Variants in SLC5A12 observed in about 807,000 individuals in gnomAD.
SLC5A12 encodes the protein sodium-coupled monocarboxylate transporter 2.
A neutral mutation model predicts 72.7 loss-of-function variants in SLC5A12; 46 were observed. The observed-to-expected ratio is 0.63, with a 90% CI of 0.50 to 0.81. The LOEUF is 0.81. Among genes scored for constraint, SLC5A12 ranks in the 30% least tolerant of loss-of-function variants. The pLI is 0.00. For missense variants in SLC5A12, 683 were observed against 740.7 expected (o/e 0.92, Z 0.90); for synonymous variants, 275 against 264.4 (o/e 1.04, Z -0.39).
At chr11:26,677,254 GA>G (rs1318420578) in intron 13 of SLC5A12, among the ~76,000 whole-genome samples, 1 of 152,052 alleles carries the variant, frequency 6.6e-6, no homozygotes, top group Non-Finnish European at 1.5e-5. Context: ...CTTATTTGGA[GA>G]AAAAGAAAAC....
At chr11:26,703,070 A>G (rs1854997435) in intron 6 of SLC5A12, among the ~76,000 whole-genome samples, 3 of 152,170 alleles carry the variant, frequency 2.0e-5, no homozygotes, top group Non-Finnish European at 2.9e-5. Flanking sequence ...TCTATTTGGT[A>G]ACTGCCTAAT....
At chr11:26,676,199 C>A (rs1323557914) in intron 13 of SLC5A12, among the ~76,000 whole-genome samples, 2 of 152,044 alleles carry the variant, frequency 1.3e-5, no homozygotes. Flanking sequence ...GATTAATTAT[C>A]TAATACAAAG....
intron 14 of SLC5A12, among the ~76,000 whole-genome samples, chr11:26,672,488 AC>A (rs1239216403): frequency 2.6e-5 from 4 of 152,042 alleles, no homozygotes; most frequent in Non-Finnish European, 5.9e-5. Flanking sequence ...TGCTGTAACA[AC>A]CCTTTGAGTG....
In SLC5A12 at chr11:26,670,975, C is replaced by G. The variant is rs1032113097; in HGVS notation, c.*127G>C. 2 of 770,372 alleles carry G rather than the reference C, an allele frequency of 2.6e-6. No individual in the cohort carries two copies. Among genetic ancestry groups the G allele is most frequent in the East Asian group, 6.1e-5 (2 of 33,052 alleles). The allele number at this position is 770,372 out of a possible 1,614,324, so 47.7% of individuals were successfully genotyped here. A position where few individuals can be genotyped will look rare whatever the true frequency, so the allele number is the denominator to read the frequency against. ...AGTTATAAATAAGTAGAAATAGGCACCAGACATCCCTGTCTTCTAGCAATG... is the reference window on the plus strand; with the variant it reads ...AGTTATAAATAAGTAGAAATAGGCAGCAGACATCCCTGTCTTCTAGCAATG... On this transcript the variant is annotated 3_prime_UTR_variant, in exon 15 of 15. Coordinates refer to ENST00000396005, the MANE Select transcript of SLC5A12 (RefSeq NM_178498.4).
At chr11:26,677,093 G>C (rs980880141) in intron 13 of SLC5A12, among the ~76,000 whole-genome samples, 2 of 151,654 alleles carry the variant, frequency 1.3e-5, no homozygotes, top group South Asian at 2.1e-4. Flanking sequence ...AGGTTATCAG[G>C]CTAGCCCTAA....
At chr11:26,706,388 G>T (rs1389012695) in intron 4 of SLC5A12, among the ~76,000 whole-genome samples, 1 of 152,006 alleles carries the variant, frequency 6.6e-6, no homozygotes, top group South Asian at 2.1e-4. Flanking sequence ...TCTGACAGAG[G>T]TATGCAGGGT....
Position 26,709,384 on chromosome 11 carries a change from G to A in SLC5A12, c.458-5C>T. The A allele has an allele frequency of 6.2e-7, 1 of 1,602,308 alleles. No homozygotes were observed. Among genetic ancestry groups the A allele is most frequent in the Non-Finnish European group, 8.5e-7 (1 of 1,174,434 alleles). On this transcript the variant is annotated splice_region_variant and splice_polypyrimidine_tract_variant and intron_variant, in intron 3 of 14. Transcript: ENST00000396005. ...CCCAGAGATCAAACCCAGTCACTAG[G>A]AAAGAAGAAAAAAATATTAAAAGAA... is the stretch of plus-strand genomic sequence containing the variant.
Position 26,698,446 on chromosome 11 carries a change from C to T in SLC5A12, c.911G>A (p.Cys304Tyr). Residue 304 changes from cysteine to tyrosine, a missense_variant, in exon 7 of 15, where the codon TGT (cysteine) becomes TAT (tyrosine). Cys to Tyr is a radical substitution (Grantham distance 194). Coordinates refer to ENST00000396005, the MANE Select transcript of SLC5A12 (RefSeq NM_178498.4). ...GLIMYSHFKD[C>Y]DPWTSGIISA... Reference sequence around the variant, plus strand: ...GATGATGCCAGAAGTCCAAGGGTCACAGTCTTTAAAGTGAGAGTACATGAT... The same window carrying T: ...GATGATGCCAGAAGTCCAAGGGTCATAGTCTTTAAAGTGAGAGTACATGAT... 1 of 1,613,998 alleles carries T rather than the reference C, an allele frequency of 6.2e-7. No homozygotes were observed. Among genetic ancestry groups the T allele is most frequent in the Non-Finnish European group, 8.5e-7 (1 of 1,179,970 alleles).
chr11:26,672,821 T>G (rs1273303267), intron 14 of SLC5A12, among the ~76,000 whole-genome samples: 1 of 152,018 alleles, frequency 6.6e-6, no homozygotes. Context: ...AGCTAGGGAG[T>G]TAGAGAGTTA....
chr11:26,683,628 G>T, intron 11 of SLC5A12, 129 bp downstream of exon 11: 1 of 681,972 alleles, frequency 1.5e-6, no homozygotes, highest in Non-Finnish European at 2.5e-6. Context: ...CTCAAGCTCT[G>T]TTTAATTCTG....
chr11:26,680,293 GTA>G (rs1234365246), intron 12 of SLC5A12, among the ~76,000 whole-genome samples: 1,855 of 109,020 alleles, frequency 0.017, 254 homozygotes, highest in Non-Finnish European at 0.027. Flanking sequence ...TTATATATAT[GTA>G]TATATATTCA....
At chr11:26,681,913 G>GA (rs1044659669) in intron 11 of SLC5A12, among the ~76,000 whole-genome samples, 1 of 151,808 alleles carries the variant, frequency 6.6e-6, no homozygotes, top group African/African-American at 2.4e-5. Flanking sequence ...TAGTTAATCA[G>GA]AAAAAAATAG....
At chr11:26,682,634 C>T (rs138549048) in intron 11 of SLC5A12, among the ~76,000 whole-genome samples, 1 of 152,170 alleles carries the variant, frequency 6.6e-6, no homozygotes, top group East Asian at 1.9e-4. Context: ...AATGGCTGCC[C>T]AAAATGACAA....
At chr11:26,706,377 A>C (rs1015546575) in intron 4 of SLC5A12, among the ~76,000 whole-genome samples, 5 of 152,200 alleles carry the variant, frequency 3.3e-5, no homozygotes, top group African/African-American at 1.2e-4. Flanking sequence ...AAGAAGATTA[A>C]TCTGACAGAG....
chr11:26,707,473 C>T (rs936917725), intron 4 of SLC5A12, among the ~76,000 whole-genome samples: 3 of 151,914 alleles, frequency 2.0e-5, no homozygotes, highest in African/African-American at 7.2e-5. Context: ...TTTTGTCCAC[C>T]ATATGTCTCC....
rs187745635 is a variant in SLC5A12 at position 26,671,532 on chromosome 11, A to G, written c.1708-281T>C. 1.1e-3 allele frequency among the ~76,000 whole-genome samples: 169 copies of G among 152,162 alleles called. 2 individuals carry two copies. The highest frequency in any genetic ancestry group is 0.011 in the Admixed American group (166 of 15,260). On this transcript the variant is annotated intron_variant, in intron 14 of 14. Coordinates refer to ENST00000396005, the MANE Select transcript of SLC5A12 (RefSeq NM_178498.4). ...TATATACCTCTCATTTAACCCAGCA[A>G]TCCTGTGAGGTAGTAGTATTACCTT...
At chr11:26,680,736 G>A (rs563963055) in intron 12 of SLC5A12, among the ~76,000 whole-genome samples, 30 of 152,078 alleles carry the variant, frequency 2.0e-4, no homozygotes, top group African/African-American at 7.0e-4. Flanking sequence ...TTCTTCTACT[G>A]AGTTTTATTC....
At chr11:26,691,967 G>C (rs1487003697) in intron 9 of SLC5A12, 1 of 152,280 alleles carries the variant, frequency 6.6e-6, no homozygotes, top group Non-Finnish European at 1.5e-5. Context: ...CATGTAGAGA[G>C]ACTAATATGA....
intron 6 of SLC5A12, among the ~76,000 whole-genome samples, chr11:26,700,220 T>G (rs748911518): frequency 1.3e-5 from 2 of 152,226 alleles, no homozygotes; most frequent in Non-Finnish European, 2.9e-5. Context: ...AGAACAATCT[T>G]ATAAGTTCAT....
Sources: gnomAD v4.1 joint callset for allele counts (sites outside exome capture counted in the v4.1 genomes callset) on GRCh38, gnomAD v4.1.1 for gene constraint, MANE v1.5 for transcripts, NCBI Gene and HGNC (gene_info 2026-07-23, HGNC 2026-07-21) for gene names.